The following UTP15 variants were observed in gnomAD, a reference collection of about 807,000 sequenced individuals.
UTP15 encodes the protein UTP15 small subunit processome component.
In UTP15, 5 loss-of-function variants were observed where a neutral mutation model predicts 59.1. The ratio of observed to expected loss-of-function variants is 0.08; its 90% CI spans 0.04 to 0.18. The LOEUF (loss-of-function observed/expected upper bound fraction) is 0.18, where lower values mean the gene tolerates loss of function less well. Ranked by LOEUF, UTP15 falls within the 10% of genes least tolerant of loss-of-function variation. The pLI is 1.00. For synonymous variants in UTP15, 211 were observed against 212.2 expected (o/e 0.99, Z 0.05); for missense variants, 494 against 616.7 (o/e 0.80, Z 2.11).
At chr5:73,577,668 C>T (rs1352253668) in intron 8 of UTP15, among the ~76,000 whole-genome samples, 188 bp from the exon 9 acceptor site, 3 of 152,072 alleles carry the variant, frequency 2.0e-5, no homozygotes, top group Non-Finnish European at 4.4e-5. Flanking sequence ...GTAGTTGTAT[C>T]CTAAGGAAAA....
Position 73,579,103 on chromosome 5 carries a change from A to T in UTP15, c.1233A>T (p.Ala411=), listed in dbSNP as rs1457995116. 19 of 1,613,924 alleles carry T rather than the reference A, an allele frequency of 1.2e-5. No homozygotes were observed. Among genetic ancestry groups the T allele is most frequent in the Non-Finnish European group, 1.6e-5 (19 of 1,179,918 alleles). The change falls in exon 11 of 13, where the codon GCA becomes GCT. Residue 411 remains alanine, a synonymous_variant. Transcript: ENST00000296792. ...GAGGAGTCCTTGCAAATGCGCTTGCAGGTCGGGATGAGAAGGAAATCAGTC... is the reference window on the plus strand; with the variant it reads ...GAGGAGTCCTTGCAAATGCGCTTGCTGGTCGGGATGAGAAGGAAATCAGTC... The part of the protein sequence containing the change: ...NRRGVLANAL[A]GRDEKEISHV...
At position 73,567,349 on chromosome 5, in the gene UTP15, C is replaced by T; in HGVS notation, c.5C>T (p.Ala2Val). The T allele has an allele frequency of 6.3e-7, 1 of 1,594,136 alleles. No homozygotes were observed. Among genetic ancestry groups the T allele is most frequent in the Non-Finnish European group, 8.5e-7 (1 of 1,170,526 alleles). The change falls in exon 2 of 13, where the codon GCT (alanine) becomes GTT (valine). Residue 2 changes from alanine to valine, a missense_variant. Coordinates refer to ENST00000296792, the MANE Select transcript of UTP15 (RefSeq NM_032175.4). ...ATAGTGCAATTATATGGAATTATGG[C>T]TGGTTATAAGCCTGTAGCTATTCAG... MAGYKPVAIQTY... is the reference protein window; with the variant it reads MVGYKPVAIQTY...
chr5:73,569,739 T>C (rs1747877822), intron 5 of UTP15, 64 bp downstream of exon 5: 1 of 1,388,270 alleles, frequency 7.2e-7, no homozygotes, highest in Non-Finnish European at 9.5e-7. Flanking sequence ...AATGTTGCTA[T>C]GGGACTCTTT....
intron 9 of UTP15, 69 bp downstream of exon 9, chr5:73,578,074 C>A: frequency 6.7e-7 from 1 of 1,501,306 alleles, no homozygotes. Flanking sequence ...CATCCCTGCA[C>A]ATTACTGGAA....
In UTP15 at chr5:73,572,411, GAGA is replaced by G. The variant is rs1561277036; in HGVS notation, c.674-73_674-71del. 2.6e-6 allele frequency: 4 copies of G among 1,567,602 alleles called. No individual in the cohort carries two copies. The African/African-American group carries it at 4.1e-5, about 16-fold the overall frequency. On this transcript the variant is annotated intron_variant, in intron 6 of 12. Transcript: ENST00000296792. Reference sequence around the variant, plus strand: ...GCCTCCATGCTTTGTGGAGTGTCCAGAGAAGAATGCTTTTCAGATCTTTAATAT... The same window carrying G: ...GCCTCCATGCTTTGTGGAGTGTCCAGAGAATGCTTTTCAGATCTTTAATAT...
intron 2 of UTP15, 107 bp from the exon 3 acceptor site, chr5:73,568,128 A>C (rs1055131516): frequency 2.5e-6 from 2 of 811,810 alleles, no homozygotes; most frequent in African/African-American, 3.5e-5. Flanking sequence ...ATACAACTTA[A>C]GAAATGTTAC....
chr5:73,576,127 CAG>C (rs1389957251), intron 7 of UTP15, among the ~76,000 whole-genome samples: 8 of 148,250 alleles, frequency 5.4e-5, no homozygotes, highest in African/African-American at 2.0e-4. Flanking sequence ...ATTTTTGAAA[CAG>C]AGTCTTACTC....
rs752763948 is a variant in UTP15 at position 73,572,465 on chromosome 5, A to G, written c.674-24A>G. On this transcript the variant is annotated intron_variant, in intron 6 of 12. Transcript: ENST00000296792. ...GTTGAATCTGTGGGCAGAATATCCA[A>G]CTAACGATGATTTCTTTTTATAGGA... is the stretch of plus-strand genomic sequence containing the variant. 6.2e-6 allele frequency: 10 copies of G among 1,612,312 alleles called. No individual in the cohort carries two copies. The East Asian group carries it at 1.8e-4, about 29-fold the overall frequency.
rs769046591 is a variant in UTP15 at position 73,580,095 on chromosome 5, T to A, written c.*1T>A. 4.3e-6 allele frequency: 7 copies of A among 1,611,566 alleles called. No homozygotes were observed. The highest frequency in any genetic ancestry group is 5.9e-6 in the Non-Finnish European group (7 of 1,178,478). ...AGAGAATAAGAAGATAGAATCATAG[T>A]GTCTGCTAAATAAGACATATAAGAA... On this transcript the variant is annotated 3_prime_UTR_variant, in exon 13 of 13. Transcript: ENST00000296792.
At position 73,576,939 on chromosome 5, in the gene UTP15, T is replaced by G; in HGVS notation, c.810-13T>G. The G allele has an allele frequency of 6.4e-7, 1 of 1,565,190 alleles. No individual in the cohort carries two copies. The highest frequency in any genetic ancestry group is 8.6e-7 in the Non-Finnish European group (1 of 1,159,316). On this transcript the variant is annotated splice_polypyrimidine_tract_variant and intron_variant, in intron 7 of 12. Transcript: ENST00000296792. ...TCAAGGTGATTTTTGACAAAGCTTT[T>G]CCTTTTTATTAGGAAGGTGAAAGTA...
At chr5:73,573,889 A>T (rs1748013326) in intron 7 of UTP15, among the ~76,000 whole-genome samples, 1 of 152,034 alleles carries the variant, frequency 6.6e-6, no homozygotes, top group African/African-American at 2.4e-5. Flanking sequence ...GTTAGATAGC[A>T]CATTTTATTT....
At chr5:73,576,930 C>T (rs1467813977) in intron 7 of UTP15, 22 bp from the exon 8 acceptor site, 61 of 1,540,704 alleles carry the variant, frequency 4.0e-5, no homozygotes, top group Non-Finnish European at 5.3e-5. Context: ...TGATTTTTGA[C>T]AAAGCTTTTC....
At chr5:73,573,724 C>A (rs951269316) in intron 7 of UTP15, among the ~76,000 whole-genome samples, 3 of 151,504 alleles carry the variant, frequency 2.0e-5, no homozygotes, top group African/African-American at 7.3e-5. Flanking sequence ...TAGGCGCTTG[C>A]CACCTTGCCC....
In UTP15 at chr5:73,581,515, A is replaced by T. The variant is rs1403757722; in HGVS notation, c.*1421A>T. 6.6e-6 allele frequency: 1 copy of T among 152,168 alleles called. No individual in the cohort carries two copies. Among genetic ancestry groups the T allele is most frequent in the Non-Finnish European group, 1.5e-5 (1 of 68,030 alleles). 9.4% of individuals were successfully genotyped at this position (152,168 alleles called of 1,614,324 possible). ...ATTACGCCAACTCAAGTAGTTAAAA[A>T]TCAGTAAGAAAAATGTCTTGAGCTA... On this transcript the variant is annotated 3_prime_UTR_variant, in exon 13 of 13. Transcript: ENST00000296792.
intron 5 of UTP15, 106 bp downstream of exon 5, chr5:73,569,781 AG>A: frequency 1.1e-6 from 1 of 912,356 alleles, no homozygotes; most frequent in Non-Finnish European, 1.6e-6. Flanking sequence ...TTTTTTATAA[AG>A]GAATATGTTT....
chr5:73,578,565 C>CT (rs373445323), intron 9 of UTP15, 186 bp from the exon 10 acceptor site: 22,654 of 427,424 alleles, frequency 0.053, no homozygotes, highest in East Asian at 0.07. Flanking sequence ...CAAGTTACTC[C>CT]TTTTTTTTTT....
At chr5:73,566,464 G>A (rs347236) in intron 1 of UTP15, among the ~76,000 whole-genome samples, 109,920 of 152,156 alleles carry the variant, frequency 0.72, 39,697 homozygotes, top group East Asian at 0.83. Context: ...CCAAAGACCA[G>A]TGAAATACAA....
At chr5:73,566,574 A>T (rs1046960414) in intron 1 of UTP15, among the ~76,000 whole-genome samples, 2 of 152,236 alleles carry the variant, frequency 1.3e-5, no homozygotes, top group African/African-American at 4.8e-5. Flanking sequence ...TTTGGAATAG[A>T]TGATGAGCAG....
In UTP15 at chr5:73,568,290, A is replaced by G; in HGVS notation, c.146A>G (p.Gln49Arg). The stretch of plus-strand genomic sequence containing the variant: ...GTTTCAAAAGTAGACTTTTCTCCTC[A>G]GCCTCCATATAATTATGCTGTCACA... The part of the protein sequence containing the change: ...GAVSKVDFSP[Q>R]PPYNYAVTAS... Residue 49 changes from glutamine to arginine, a missense_variant, in exon 3 of 13, where the codon CAG (glutamine) becomes CGG (arginine). By Grantham distance (43) the Gln-to-Arg change is conservative. Transcript: ENST00000296792. 1 of 1,611,212 alleles carries G rather than the reference A, an allele frequency of 6.2e-7. No homozygotes were observed. The highest frequency in any genetic ancestry group is 8.5e-7 in the Non-Finnish European group (1 of 1,179,222).
Sources: gnomAD v4.1 joint callset for allele counts (sites outside exome capture counted in the v4.1 genomes callset) on GRCh38, gnomAD v4.1.1 for gene constraint, MANE v1.5 for transcripts, NCBI Gene and HGNC (gene_info 2026-07-23, HGNC 2026-07-21) for gene names.